Variants in FRAS1 observed in about 807,000 individuals in gnomAD.
The protein encoded by FRAS1 is Fraser extracellular matrix complex subunit 1.
FRAS1 carries 290 observed loss-of-function variants against 435.2 expected under a neutral mutation model. That is an observed-to-expected ratio of 0.67 (90% CI 0.61 to 0.73). The LOEUF (loss-of-function observed/expected upper bound fraction) is 0.73. Ranked by LOEUF, FRAS1 falls within the 30% of genes least tolerant of loss-of-function variation. The probability of loss-of-function intolerance (pLI) is 0.00; values close to 1 mark genes in which losing one functional copy is unlikely to be tolerated. For synonymous variants in FRAS1, 1,800 were observed against 1,851.0 expected (o/e 0.97, Z 0.71); for missense variants, 4,860 against 5,001.5 (o/e 0.97, Z 0.85).
chr4:78,319,524 C>G (rs1014508356), intron 18 of FRAS1: 1 of 413,506 alleles, frequency 2.4e-6, no homozygotes, highest in African/African-American at 2.1e-5. Flanking sequence ...AGTTTCCTTT[C>G]TGTTCCCACA....
chr4:78,370,028 A>G, intron 23 of FRAS1, 44 bp downstream of exon 23: 1 of 1,580,328 alleles, frequency 6.3e-7, no homozygotes, highest in Non-Finnish European at 8.6e-7. Flanking sequence ...TTACACAGTG[A>G]TACCACTTTA....
At chr4:78,485,811 G>A (rs143031924) in intron 58 of FRAS1, among the ~76,000 whole-genome samples, 5 of 152,104 alleles carry the variant, frequency 3.3e-5, no homozygotes, top group East Asian at 1.9e-4. Flanking sequence ...ATCCTACTAC[G>A]CTGACTCTTC....
chr4:78,112,136 TAAG>T (rs1240405873), intron 2 of FRAS1, among the ~76,000 whole-genome samples: 3 of 152,166 alleles, frequency 2.0e-5, no homozygotes, highest in Non-Finnish European at 4.4e-5. Flanking sequence ...AAATTTTAGA[TAAG>T]AATTCTCCAA....
Position 78,448,077 on chromosome 4 carries a change from C to G in FRAS1, c.6035C>G (p.Ala2012Gly), listed in dbSNP as rs1276635169. 4.3e-6 allele frequency: 7 copies of G among 1,611,862 alleles called. No homozygotes were observed. The South Asian group carries it at 7.7e-5, about 18-fold the overall frequency. The change falls in exon 44 of 74, where the codon GCT (alanine) becomes GGT (glycine). Residue 2012 changes from alanine to glycine, a missense_variant. Coordinates refer to ENST00000512123, the MANE Select transcript of FRAS1 (RefSeq NM_025074.7). ...DHGHVLWRQT[A>G]SEPLENGRVL... is the part of the protein sequence containing the mutation. Reference sequence around the variant, plus strand: ...GGTCATGTACTCTGGAGGCAAACTGCTTCTGAGCCTCTGGAGAATGGGAGA... The same window carrying G: ...GGTCATGTACTCTGGAGGCAAACTGGTTCTGAGCCTCTGGAGAATGGGAGA...
At chr4:78,444,993 A>G (rs187269663) in intron 41 of FRAS1, among the ~76,000 whole-genome samples, 23 of 152,350 alleles carry the variant, frequency 1.5e-4, no homozygotes, top group Non-Finnish European at 1.6e-4. Flanking sequence ...GTCCAATGAA[A>G]ACATGCTGCA....
chr4:78,309,337 G>A (rs897114669), intron 15 of FRAS1, among the ~76,000 whole-genome samples: 2 of 152,210 alleles, frequency 1.3e-5, no homozygotes. Flanking sequence ...TGCTACAGCA[G>A]CAATAGAAAA....
At chr4:78,102,279 T>C (rs896752575) in intron 2 of FRAS1, among the ~76,000 whole-genome samples, 8 of 152,240 alleles carry the variant, frequency 5.3e-5, no homozygotes, top group African/African-American at 1.7e-4. Flanking sequence ...ACAGAAAACA[T>C]CCCCATTTCT....
At chr4:78,347,783 G>T (rs1347686137) in intron 20 of FRAS1, among the ~76,000 whole-genome samples, 6 of 86,106 alleles carry the variant, frequency 7.0e-5, no homozygotes, top group Non-Finnish European at 1.3e-4. Context: ...GCGTGTGTGT[G>T]TGTGTTTTTT....
intron 29 of FRAS1, among the ~76,000 whole-genome samples, 158 bp from the exon 30 acceptor site, chr4:78,400,576 C>T (rs1732843965): frequency 6.6e-6 from 1 of 151,706 alleles, no homozygotes; most frequent in South Asian, 2.1e-4. Context: ...TGCATGTCTA[C>T]ACATAATACA....
intron 29 of FRAS1, among the ~76,000 whole-genome samples, chr4:78,393,411 A>T (rs1418892867): frequency 4.5e-5 from 6 of 133,606 alleles, no homozygotes; most frequent in African/African-American, 1.8e-4. Context: ...ACTGAAAGTT[A>T]CGTTTTGACC....
chr4:78,138,193 C>T (rs1315490668), intron 2 of FRAS1, among the ~76,000 whole-genome samples: 7 of 152,136 alleles, frequency 4.6e-5, no homozygotes, highest in East Asian at 3.9e-4. Flanking sequence ...TTGCCCATCA[C>T]GTAATTTTTG....
chr4:78,536,995 G>A lies in FRAS1; in HGVS notation c.11093G>A (p.Gly3698Asp), dbSNP rs1391565122. 2 of 1,613,106 alleles carry A rather than the reference G, an allele frequency of 1.2e-6. No individual in the cohort carries two copies. Among genetic ancestry groups the A allele is most frequent in the Admixed American group, 1.7e-5 (1 of 59,968 alleles). The change falls in exon 72 of 74, where the codon GGT becomes GAT. Residue 3698 changes from glycine to aspartate, a missense_variant and splice_region_variant. Transcript: ENST00000512123. ...EMDYKGAFSK[G>D]QILYGRVLWN... ...AATTAATACCTTTCAATCTTTTCAG[G>A]TCAAATCCTTTATGGCCGAGTACTT...
chr4:78,412,005 G>T (rs1303982964), intron 31 of FRAS1, among the ~76,000 whole-genome samples: 2 of 152,174 alleles, frequency 1.3e-5, no homozygotes, highest in Non-Finnish European at 2.9e-5. Context: ...CCCTTGAAAA[G>T]TAGCTAATGC....
At chr4:78,205,709 T>C (rs1304284517) in intron 2 of FRAS1, among the ~76,000 whole-genome samples, 2 of 152,190 alleles carry the variant, frequency 1.3e-5, no homozygotes, top group Non-Finnish European at 2.9e-5. Context: ...GCTTCCTTTC[T>C]GAGAGGGGGC....
At chr4:78,515,657 T>C (rs1721185048) in intron 65 of FRAS1, 142 bp from the exon 66 acceptor site, 6 of 689,284 alleles carry the variant, frequency 8.7e-6, no homozygotes, top group Non-Finnish European at 1.5e-5. Flanking sequence ...TCCCTGCACA[T>C]TGGGAGCCCT....
At position 78,540,633 on chromosome 4, in the gene FRAS1, C is replaced by A; in HGVS notation, c.11548C>A (p.Arg3850Ser). 1 of 1,593,438 alleles carries A rather than the reference C, an allele frequency of 6.3e-7. No individual in the cohort carries two copies. Among genetic ancestry groups the A allele is most frequent in the Non-Finnish European group, 8.6e-7 (1 of 1,169,294 alleles). Residue 3850 changes from arginine to serine, a missense_variant, in exon 74 of 74, where the codon CGC becomes AGC. By Grantham distance (110) the Arg-to-Ser change is moderately radical. Transcript: ENST00000512123. Reference sequence around the variant, plus strand: ...GCGCTCTCTCACAGCTCCACTCAGACGCAACCGAAGGGACCTGGTAGAGCC... The same window carrying A: ...GCGCTCTCTCACAGCTCCACTCAGAAGCAACCGAAGGGACCTGGTAGAGCC... ...VQRSLTAPLR[R>S]NRRDLVEPDG...
rs1333850722 is a variant in FRAS1 at position 78,337,729 on chromosome 4, C to T, written c.2334C>T (p.Ser778=). 6.2e-7 allele frequency: 1 copy of T among 1,613,898 alleles called. No homozygotes were observed. The highest frequency in any genetic ancestry group is 8.5e-7 in the Non-Finnish European group (1 of 1,179,878). The change falls in exon 20 of 74, where the codon TCC becomes TCT. Residue 778 remains serine, a synonymous_variant. Transcript: ENST00000512123. ...GGCCGTTGGAGTCTGACTGCATCTC[C>T]TGTTACCCTCACATCTCTCTTACCA... is the stretch of plus-strand genomic sequence containing the variant. The part of the protein sequence containing the change: ...CHGPLESDCI[S]CYPHISLTNG...
chr4:78,349,878 G>A (rs1345242273), intron 20 of FRAS1, among the ~76,000 whole-genome samples: 2 of 35,648 alleles, frequency 5.6e-5, no homozygotes, highest in Admixed American at 2.6e-4. Context: ...GGTACCAGCC[G>A]CTGCAAAGTC....
At chr4:78,300,458 G>A (rs1175818151) in intron 14 of FRAS1, among the ~76,000 whole-genome samples, 3 of 152,094 alleles carry the variant, frequency 2.0e-5, no homozygotes, top group Non-Finnish European at 2.9e-5. Flanking sequence ...TCTCACAAGG[G>A]AACCAGATGA....
Sources: allele counts gnomAD v4.1 joint callset (sites outside exome capture counted in the v4.1 genomes callset), GRCh38; gene constraint gnomAD v4.1.1; transcripts MANE v1.5; gene names NCBI Gene and HGNC (gene_info 2026-07-23, HGNC 2026-07-21).